Variants in MYO1E observed in about 807,000 individuals in gnomAD.
MYO1E encodes unconventional myosin-Ie.
In MYO1E, 68 loss-of-function variants were observed where a neutral mutation model predicts 151.1. The observed-to-expected ratio is 0.45, with a 90% CI of 0.37 to 0.55. The LOEUF is 0.55. MYO1E is among the 20% of genes least tolerant of loss of function. The pLI, the probability that MYO1E is intolerant of heterozygous loss-of-function variation, is 0.00. For missense variants in MYO1E, 1,363 were observed against 1,389.3 expected, an observed-to-expected ratio of 0.98 and a Z score of 0.30; for synonymous variants, 601 against 501.7, an observed-to-expected ratio of 1.20 and a Z score of -2.64.
At position 59,274,921 on chromosome 15, in the gene MYO1E, T is replaced by C. The variant is rs911726007; in HGVS notation, c.4-2472A>G. 2.0e-5 allele frequency among the ~76,000 whole-genome samples: 3 copies of C among 152,306 alleles called. No homozygotes were observed. The East Asian group carries it at 5.8e-4, about 29-fold the overall frequency. ...CCAGTCTCTAATGCTCAAAGAGGAC[T>C]CATTTTCCAGTCTGCTGTCTATATA... On this transcript the variant is annotated intron_variant, in intron 1 of 27. Transcript: ENST00000288235.
At chr15:59,322,821 T>A (rs1236664638) in intron 1 of MYO1E, among the ~76,000 whole-genome samples, 1 of 152,126 alleles carries the variant, frequency 6.6e-6, no homozygotes, top group Non-Finnish European at 1.5e-5. Context: ...AGAAGACATG[T>A]CTTAATTTAG....
chr15:59,304,705 G>A (rs574472222), intron 1 of MYO1E, among the ~76,000 whole-genome samples: 4 of 152,264 alleles, frequency 2.6e-5, no homozygotes, highest in Non-Finnish European at 4.4e-5. Flanking sequence ...CCGGGAATCA[G>A]GCTCTTGGTT....
intron 2 of MYO1E, among the ~76,000 whole-genome samples, chr15:59,265,864 G>A (rs1300988654): frequency 6.6e-6 from 1 of 151,508 alleles, no homozygotes; most frequent in Non-Finnish European, 1.5e-5. Context: ...CTACTTGGGA[G>A]GCTGAGGTGG....
intron 17 of MYO1E, 92 bp downstream of exon 17, chr15:59,195,369 A>G (rs1566975666): frequency 8.7e-7 from 1 of 1,143,890 alleles, no homozygotes; most frequent in Non-Finnish European, 1.3e-6. Context: ...TGTGCGGACA[A>G]CTGACACTGC....
At chr15:59,357,490 T>C (rs529059395) in intron 1 of MYO1E, among the ~76,000 whole-genome samples, 5 of 149,918 alleles carry the variant, frequency 3.3e-5, no homozygotes, top group Non-Finnish European at 7.4e-5. Context: ...AGTGGTGCAA[T>C]CTTGGCTCAC....
At chr15:59,164,503 G>A (rs1377367835) in intron 22 of MYO1E, among the ~76,000 whole-genome samples, 1 of 152,180 alleles carries the variant, frequency 6.6e-6, no homozygotes, top group African/African-American at 2.4e-5. Flanking sequence ...CAGAGCACCT[G>A]GTGTCACTGC....
Position 59,231,728 on chromosome 15 carries a change from C to A in MYO1E, c.484G>T (p.Val162Phe). 6.2e-7 allele frequency: 1 copy of A among 1,614,136 alleles called. No homozygotes were observed. The highest frequency in any genetic ancestry group is 1.1e-5 in the South Asian group (1 of 91,082). Residue 162 changes from valine (V) to phenylalanine (F), a missense_variant, in exon 6 of 28, where the codon GTC becomes TTC. Transcript: ENST00000288235. The stretch of plus-strand genomic sequence containing the variant: ...AATCGGCTGGAGTTGTTGTTCCGGA[C>A]GGTCTTGGCGTTCCCGAAGGCCTCC... ...LLEAFGNAKT[V>F]RNNNSSRFGK...
At chr15:59,231,827 T>G in intron 5 of MYO1E, 36 bp from the exon 6 acceptor site, 1 of 1,603,672 alleles carries the variant, frequency 6.2e-7, no homozygotes, top group Non-Finnish European at 8.5e-7. Flanking sequence ...TAGGAAGGTG[T>G]GAACACCTAC....
At chr15:59,152,472 C>G (rs1334059267) in intron 26 of MYO1E, among the ~76,000 whole-genome samples, 1 of 152,256 alleles carries the variant, frequency 6.6e-6, no homozygotes, top group South Asian at 2.1e-4. Flanking sequence ...CAGAGCCACT[C>G]CACCATGGAG....
chr15:59,261,577 A>G (rs1019149764), intron 2 of MYO1E, 68 bp from the exon 3 acceptor site: 1 of 1,027,584 alleles, frequency 9.7e-7, no homozygotes, highest in Non-Finnish European at 1.5e-6. Flanking sequence ...TTAAGTAACC[A>G]GATGTTATCA....
At chr15:59,141,911 T>A (rs2079412249) in intron 26 of MYO1E, among the ~76,000 whole-genome samples, 1 of 149,682 alleles carries the variant, frequency 6.7e-6, no homozygotes, top group Admixed American at 6.7e-5. Context: ...ATAGAGACCA[T>A]CCTGGCTAAC....
chr15:59,253,099 C>T (rs1327259835), intron 4 of MYO1E, among the ~76,000 whole-genome samples: 1 of 152,114 alleles, frequency 6.6e-6, no homozygotes, highest in Non-Finnish European at 1.5e-5. Flanking sequence ...AGTATAACTG[C>T]AATGTAAACA....
At chr15:59,265,385 C>T (rs1390128056) in intron 2 of MYO1E, among the ~76,000 whole-genome samples, 18 of 152,044 alleles carry the variant, frequency 1.2e-4, no homozygotes, top group Admixed American at 3.3e-4. Flanking sequence ...CCTAAAGTGA[C>T]CAACATTTTA....
intron 15 of MYO1E, among the ~76,000 whole-genome samples, chr15:59,203,042 G>A (rs1201162236): frequency 6.6e-6 from 1 of 151,922 alleles, no homozygotes; most frequent in Non-Finnish European, 1.5e-5. Flanking sequence ...CACTGCGCCT[G>A]GCCAGCATGT....
At chr15:59,151,951 C>T (rs1287244876) in intron 26 of MYO1E, among the ~76,000 whole-genome samples, 2 of 152,038 alleles carry the variant, frequency 1.3e-5, no homozygotes, top group Non-Finnish European at 2.9e-5. Flanking sequence ...GCCTGTAGTC[C>T]TGGCTACTCG....
chr15:59,278,870 A>T (rs1373764910), intron 1 of MYO1E, among the ~76,000 whole-genome samples: 2 of 152,158 alleles, frequency 1.3e-5, no homozygotes, highest in Admixed American at 6.5e-5. Context: ...CTTGCAAGAC[A>T]CAAGTATTAT....
chr15:59,211,110 G>A (rs1418541248), intron 12 of MYO1E, among the ~76,000 whole-genome samples: 1 of 151,122 alleles, frequency 6.6e-6, no homozygotes, highest in African/African-American at 2.4e-5. Context: ...TGAGGCAGGA[G>A]AATTGCTTGA....
chr15:59,358,512 G>A (rs1226519695), intron 1 of MYO1E, among the ~76,000 whole-genome samples: 1 of 152,014 alleles, frequency 6.6e-6, no homozygotes, highest in Non-Finnish European at 1.5e-5. Context: ...GAAGGAAAAG[G>A]CCATCCCAGT....
intron 1 of MYO1E, among the ~76,000 whole-genome samples, chr15:59,296,909 G>C (rs1248543997): frequency 7.1e-6 from 1 of 141,066 alleles, no homozygotes; most frequent in Non-Finnish European, 1.5e-5. Context: ...GCATGATGTC[G>C]GCTCACTGCA....
Sources: allele counts gnomAD v4.1 joint callset (sites outside exome capture counted in the v4.1 genomes callset), GRCh38; gene constraint gnomAD v4.1.1; transcripts MANE v1.5; gene names NCBI Gene and HGNC (gene_info 2026-07-23, HGNC 2026-07-21).